SYT14: variants seen among roughly 807,000 people sequenced by gnomAD.
SYT14 encodes synaptotagmin-14.
In SYT14, 32 loss-of-function variants were observed where a neutral mutation model predicts 74.2. That is an observed-to-expected ratio of 0.43 (90% confidence interval 0.33 to 0.58). The LOEUF (loss-of-function observed/expected upper bound fraction) is 0.58. Ranked by LOEUF, SYT14 falls within the 20% of genes least tolerant of loss-of-function variation. The probability of loss-of-function intolerance (pLI) is 0.05; values close to 1 mark genes in which losing one functional copy is unlikely to be tolerated. For missense variants in SYT14, 791 were observed against 981.8 expected, an observed-to-expected ratio of 0.81 and a Z score of 2.60; for synonymous variants, 298 against 337.7, an observed-to-expected ratio of 0.88 and a Z score of 1.29.
At chr1:210,135,560 G>A (rs180928581) in intron 7 of SYT14, among the ~76,000 whole-genome samples, 56 of 152,170 alleles carry the variant, frequency 3.7e-4, no homozygotes, top group South Asian at 1.2e-3. Context: ...TCTATCATCT[G>A]TTTAGTTTCT....
intron 5 of SYT14, among the ~76,000 whole-genome samples, chr1:210,050,442 G>A (rs981268261): frequency 3.9e-5 from 6 of 152,210 alleles, no homozygotes; most frequent in East Asian, 1.9e-4. Flanking sequence ...TTTTTCTGTC[G>A]TCTTCTGAGC....
At chr1:210,107,494 G>A (rs1183425911) in intron 7 of SYT14, among the ~76,000 whole-genome samples, 2 of 151,954 alleles carry the variant, frequency 1.3e-5, no homozygotes, top group Non-Finnish European at 2.9e-5. Context: ...CTATAAATCT[G>A]GACAGTATAA....
intron 7 of SYT14, among the ~76,000 whole-genome samples, chr1:210,145,271 A>G (rs1330975375): frequency 6.6e-6 from 1 of 152,196 alleles, no homozygotes; most frequent in Non-Finnish European, 1.5e-5. Context: ...TCACTAGCAC[A>G]GCTAAGTAAG....
intron 2 of SYT14, among the ~76,000 whole-genome samples, chr1:209,955,436 TTTATTAGTAAG>T (rs568609090): frequency 4.0e-4 from 61 of 152,290 alleles, no homozygotes; most frequent in Non-Finnish European, 6.9e-4. Flanking sequence ...CCACATTTAA[TTTATTAGTAAG>T]TTCAATCAGT....
intron 4 of SYT14, among the ~76,000 whole-genome samples, chr1:210,018,198 A>G (rs758582649): frequency 2.6e-5 from 4 of 152,134 alleles, no homozygotes; most frequent in South Asian, 4.1e-4. Context: ...CAGTGGTGCA[A>G]TCTCGGCTCA....
At chr1:210,007,122 T>TA (rs2080003971) in intron 2 of SYT14, among the ~76,000 whole-genome samples, 2 of 151,912 alleles carry the variant, frequency 1.3e-5, no homozygotes, top group East Asian at 1.9e-4. Context: ...GCTTAAATTT[T>TA]AAAAAATTGG....
chr1:210,039,739 C>T (rs1489458619), intron 5 of SYT14, among the ~76,000 whole-genome samples: 1 of 152,124 alleles, frequency 6.6e-6, no homozygotes, highest in Non-Finnish European at 1.5e-5. Flanking sequence ...AGACACTTCT[C>T]AAAAGAAGAC....
At chr1:210,167,806 A>G (rs954735544) in exon 10 of SYT14, 11 of 152,086 alleles carry the variant, frequency 7.2e-5, no homozygotes, top group African/African-American at 2.7e-4. Context: ...CCCTGTTTAG[A>G]CTAGTATGTG....
intron 7 of SYT14, among the ~76,000 whole-genome samples, chr1:210,152,315 C>T (rs2083180622): frequency 6.6e-6 from 1 of 152,106 alleles, no homozygotes; most frequent in South Asian, 2.1e-4. Context: ...TATTAATTCT[C>T]CTTCATTACT....
At chr1:210,032,131 G>A (rs1020636212) in intron 5 of SYT14, among the ~76,000 whole-genome samples, 2 of 151,750 alleles carry the variant, frequency 1.3e-5, no homozygotes, top group Non-Finnish European at 2.9e-5. Flanking sequence ...TCACAGAGAA[G>A]GATATCATTG....
intron 1 of SYT14, among the ~76,000 whole-genome samples, chr1:209,948,979 T>TA (rs1206561092): frequency 1.3e-5 from 2 of 152,222 alleles, no homozygotes; most frequent in Non-Finnish European, 2.9e-5. Flanking sequence ...TCTTGTGCGT[T>TA]ACACTGTTAA....
chr1:210,134,278 AT>A (rs969888351), intron 7 of SYT14, among the ~76,000 whole-genome samples: 5 of 151,280 alleles, frequency 3.3e-5, no homozygotes, highest in African/African-American at 1.2e-4. Context: ...AATTTTTAAA[AT>A]TTTTTTTGTA....
intron 7 of SYT14, among the ~76,000 whole-genome samples, chr1:210,129,594 A>C (rs1267231837): frequency 6.6e-6 from 1 of 152,224 alleles, no homozygotes; most frequent in Non-Finnish European, 1.5e-5. Context: ...ATATTTATTT[A>C]AACTTTCTTG....
At chr1:210,164,126 A>C in exon 10 of SYT14, 1 of 445,100 alleles carries the variant, frequency 2.2e-6, no homozygotes, top group East Asian at 7.0e-5. Context: ...TTTGTTTAGC[A>C]TAATATTGCC....
At chr1:210,087,407 C>T (rs2081757645) in intron 5 of SYT14, among the ~76,000 whole-genome samples, 1 of 152,214 alleles carries the variant, frequency 6.6e-6, no homozygotes, top group African/African-American at 2.4e-5. Context: ...GGCTCTATAG[C>T]TCTGATACTT....
intron 5 of SYT14, among the ~76,000 whole-genome samples, chr1:210,023,946 T>C (rs1038708132): frequency 1.3e-5 from 2 of 152,172 alleles, no homozygotes; most frequent in African/African-American, 4.8e-5. Context: ...TCCACTTGAC[T>C]CCAACATAGG....
At chr1:209,968,038 A>T (rs1277360292) in intron 2 of SYT14, among the ~76,000 whole-genome samples, 1 of 152,176 alleles carries the variant, frequency 6.6e-6, no homozygotes, top group Non-Finnish European at 1.5e-5. Flanking sequence ...GAATAAAAGG[A>T]AAGGAATTTA....
intron 5 of SYT14, among the ~76,000 whole-genome samples, chr1:210,069,208 G>A (rs1259055566): frequency 6.6e-6 from 1 of 151,750 alleles, no homozygotes; most frequent in Non-Finnish European, 1.5e-5. Context: ...TGTGTGTCAA[G>A]GGGATTAATA....
At chr1:209,984,766 C>T (rs2079543700) in intron 2 of SYT14, among the ~76,000 whole-genome samples, 1 of 152,180 alleles carries the variant, frequency 6.6e-6, no homozygotes, top group Non-Finnish European at 1.5e-5. Flanking sequence ...ATGGCACTGG[C>T]ATCCCTCAGC....
Sources: gnomAD v4.1 joint callset for allele counts (sites outside exome capture counted in the v4.1 genomes callset) on GRCh38, gnomAD v4.1.1 for gene constraint, MANE v1.5 for transcripts, NCBI Gene and HGNC (gene_info 2026-07-23, HGNC 2026-07-21) for gene names.